ROBO1: variants seen among roughly 807,000 people sequenced by gnomAD.
ROBO1 encodes roundabout guidance receptor 1, also known as roundabout homolog 1.
ROBO1 carries 149 observed loss-of-function variants against 195.9 expected under a neutral mutation model. The ratio of observed to expected loss-of-function variants is 0.76; its 90% confidence interval spans 0.67 to 0.87. The LOEUF is 0.87. Ranked by LOEUF, ROBO1 falls within the 40% of genes least tolerant of loss-of-function variation. The pLI is 0.00. For missense variants in ROBO1, 1,933 were observed against 2,068.3 expected, an observed-to-expected ratio of 0.93 and a Z score of 1.27; for synonymous variants, 816 against 733.2, an observed-to-expected ratio of 1.11 and a Z score of -1.82.
chr3:78,780,311 T>C (rs187379162), intron 4 of ROBO1, among the ~76,000 whole-genome samples: 2 of 152,268 alleles, frequency 1.3e-5, no homozygotes, highest in East Asian at 3.9e-4. Context: ...CAGCTACGTG[T>C]TAAAGCAGCA....
chr3:79,598,527 C>T (rs934700083), intron 1 of ROBO1, among the ~76,000 whole-genome samples: 1 of 151,934 alleles, frequency 6.6e-6, no homozygotes, highest in Non-Finnish European at 1.5e-5. Flanking sequence ...CCTTACCATC[C>T]TATTCTGTGT....
At chr3:78,931,236 C>CCT (rs1411752018) in intron 4 of ROBO1, among the ~76,000 whole-genome samples, 7 of 79,208 alleles carry the variant, frequency 8.8e-5, no homozygotes, top group Non-Finnish European at 1.7e-4. Context: ...TTCTTTCTTT[C>CCT]TTTTTTTTTT....
At chr3:79,456,552 A>G (rs1247704805) in intron 2 of ROBO1, among the ~76,000 whole-genome samples, 1 of 152,104 alleles carries the variant, frequency 6.6e-6, no homozygotes, top group Non-Finnish European at 1.5e-5. Context: ...TCCTATTTTT[A>G]TTTTGAGTTG....
At chr3:78,983,309 C>G (rs1414928591) in intron 3 of ROBO1, among the ~76,000 whole-genome samples, 2 of 152,180 alleles carry the variant, frequency 1.3e-5, no homozygotes, top group Non-Finnish European at 2.9e-5. Context: ...TTCTTTTCAC[C>G]TTCTCCCCCT....
intron 2 of ROBO1, among the ~76,000 whole-genome samples, chr3:79,224,265 G>A (rs1295591441): frequency 6.6e-6 from 1 of 152,100 alleles, no homozygotes; most frequent in African/African-American, 2.4e-5. Flanking sequence ...TTTCCAAGTG[G>A]GATGTTGAGA....
At chr3:78,680,949 A>G (rs1050836597) in intron 10 of ROBO1, among the ~76,000 whole-genome samples, 1 of 151,114 alleles carries the variant, frequency 6.6e-6, no homozygotes, top group African/African-American at 2.4e-5. Context: ...TCCAACAATG[A>G]TAGACTGGAT....
intron 4 of ROBO1, among the ~76,000 whole-genome samples, chr3:78,801,960 A>G (rs1431628746): frequency 1.3e-5 from 2 of 152,168 alleles, no homozygotes; most frequent in African/African-American, 4.8e-5. Context: ...TAGTGTGATT[A>G]TATTAAAATA....
chr3:79,427,207 G>A (rs949797650), intron 2 of ROBO1, among the ~76,000 whole-genome samples: 2 of 152,122 alleles, frequency 1.3e-5, no homozygotes, highest in Non-Finnish European at 2.9e-5. Context: ...TTGTGTAAAA[G>A]CAGAAGACCA....
At chr3:79,428,409 T>G (rs1460874588) in intron 2 of ROBO1, among the ~76,000 whole-genome samples, 1 of 152,172 alleles carries the variant, frequency 6.6e-6, no homozygotes, top group Non-Finnish European at 1.5e-5. Flanking sequence ...CTTAGCACAG[T>G]GCCTGTGACA....
intron 3 of ROBO1, among the ~76,000 whole-genome samples, chr3:78,958,202 T>C (rs1179646154): frequency 6.6e-6 from 1 of 152,214 alleles, no homozygotes; most frequent in Non-Finnish European, 1.5e-5. Context: ...GTTCAAAATA[T>C]GGATAACTGT....
At chr3:79,603,375 T>C (rs1052375905) in intron 1 of ROBO1, among the ~76,000 whole-genome samples, 1 of 152,102 alleles carries the variant, frequency 6.6e-6, no homozygotes, top group Admixed American at 6.6e-5. Flanking sequence ...TCTCACCCTC[T>C]TGACACAACA....
chr3:79,694,968 T>C (rs931084768), intron 1 of ROBO1, among the ~76,000 whole-genome samples: 6 of 151,572 alleles, frequency 4.0e-5, no homozygotes, highest in Non-Finnish European at 7.4e-5. Context: ...TATAATAAAA[T>C]ATTGATACTT....
rs2107685436 is a variant in ROBO1, at chr3:78,938,685, T to G, written c.415A>C (p.Arg139=). Residue 139 remains arginine, a synonymous_variant, in exon 4 of 31, where the codon AGA becomes CGA. Transcript: ENST00000464233. ...FLRIVHGRKS[R]PDEGVYVCVA... is the part of the protein sequence containing the mutation. ...CAGACATAGACTCCTTCATCAGGTC[T>G]ACTTTTCCGTCCATGTACTATACGT... The G allele has an allele frequency of 6.2e-7, 1 of 1,614,034 alleles. No individual in the cohort carries two copies. Among genetic ancestry groups the G allele is most frequent in the Non-Finnish European group, 8.5e-7 (1 of 1,179,894 alleles).
chr3:78,909,985 T>A (rs1424343323), intron 4 of ROBO1, among the ~76,000 whole-genome samples: 1 of 151,824 alleles, frequency 6.6e-6, no homozygotes, highest in Non-Finnish European at 1.5e-5. Context: ...AACCCTGAAA[T>A]TCTTCAAAAT....
chr3:79,223,803 C>T (rs1371100402), intron 2 of ROBO1, among the ~76,000 whole-genome samples: 1 of 152,136 alleles, frequency 6.6e-6, no homozygotes, highest in Non-Finnish European at 1.5e-5. Flanking sequence ...GCTGTACTCT[C>T]CCTTAGTTTA....
intron 4 of ROBO1, among the ~76,000 whole-genome samples, chr3:78,936,428 G>A (rs1032771557): frequency 3.3e-5 from 5 of 151,966 alleles, no homozygotes; most frequent in East Asian, 1.9e-4. Flanking sequence ...TAGTAATATC[G>A]TAACTTTTGA....
At chr3:79,650,330 C>T (rs911314201) in intron 1 of ROBO1, among the ~76,000 whole-genome samples, 5 of 151,362 alleles carry the variant, frequency 3.3e-5, no homozygotes, top group Admixed American at 2.6e-4. Flanking sequence ...AGGAAGTAAA[C>T]TAATTTCTTT....
intron 3 of ROBO1, among the ~76,000 whole-genome samples, chr3:79,035,204 T>C (rs959823380): frequency 2.0e-5 from 3 of 152,152 alleles, no homozygotes; most frequent in Non-Finnish European, 4.4e-5. Flanking sequence ...ATTAAAGCTC[T>C]TTTCAACTTT....
intron 17 of ROBO1, 113 bp from the exon 18 acceptor site, chr3:78,657,382 C>T: frequency 1.0e-6 from 1 of 988,918 alleles, no homozygotes; most frequent in East Asian, 2.8e-5. Flanking sequence ...TCATGCACTA[C>T]CATAAGAAGT....
Sources: allele counts gnomAD v4.1 joint callset (sites outside exome capture counted in the v4.1 genomes callset), GRCh38; gene constraint gnomAD v4.1.1; transcripts MANE v1.5; gene names NCBI Gene and HGNC (gene_info 2026-07-23, HGNC 2026-07-21).